The following DDX4 variants were observed in gnomAD, a reference collection of about 807,000 sequenced individuals.
The protein encoded by DDX4 is DEAD-box helicase 4, also known as probable ATP-dependent RNA helicase DDX4.
In DDX4, 25 loss-of-function variants were observed where a neutral mutation model predicts 100.0. That is an observed-to-expected ratio of 0.25 (90% confidence interval 0.18 to 0.35). DDX4 has a LOEUF of 0.35. DDX4 is among the 10% of genes least tolerant of loss of function. DDX4 has a pLI of 1.00. For synonymous variants in DDX4, 259 were observed against 275.7 expected, an observed-to-expected ratio of 0.94 and a Z score of 0.60; for missense variants, 635 against 882.4, an observed-to-expected ratio of 0.72 and a Z score of 3.55.
chr5:55,814,689 A>G (rs1490815897), intron 19 of DDX4, among the ~76,000 whole-genome samples: 1 of 152,134 alleles, frequency 6.6e-6, no homozygotes, highest in Non-Finnish European at 1.5e-5. Context: ...ATGGTGTTTC[A>G]TCATGTTGGC....
At chr5:55,756,581 C>T (rs985827638) in intron 3 of DDX4, among the ~76,000 whole-genome samples, 2 of 152,046 alleles carry the variant, frequency 1.3e-5, no homozygotes, top group East Asian at 1.9e-4. Flanking sequence ...AGTCTTAGAG[C>T]GCATACTGAA....
At chr5:55,786,002 T>G (rs915714735) in intron 13 of DDX4, 131 bp downstream of exon 13, 28 of 571,442 alleles carry the variant, frequency 4.9e-5, no homozygotes, top group Non-Finnish European at 8.2e-5. Flanking sequence ...GTTGGAAATT[T>G]AGAATGATGT....
At chr5:55,800,287 C>T (rs1312471805) in intron 18 of DDX4, among the ~76,000 whole-genome samples, 2 of 151,150 alleles carry the variant, frequency 1.3e-5, no homozygotes, top group African/African-American at 4.9e-5. Context: ...TATGGTTTTG[C>T]TGAAGTTAGA....
chr5:55,803,329 TTTA>T (rs776491872), intron 18 of DDX4, among the ~76,000 whole-genome samples: 7 of 150,664 alleles, frequency 4.6e-5, no homozygotes, highest in Non-Finnish European at 8.9e-5. Context: ...GTGCCACATT[TTTA>T]TTATTATTAT....
At chr5:55,772,620 G>A (rs1159436038) in intron 7 of DDX4, among the ~76,000 whole-genome samples, 1 of 152,130 alleles carries the variant, frequency 6.6e-6, no homozygotes, top group Non-Finnish European at 1.5e-5. Context: ...GGTCATGGGG[G>A]CGCAGATCTC....
At position 55,799,326 on chromosome 5, in the gene DDX4, G is replaced by A. The variant is rs1037894921; in HGVS notation, c.1615+755G>A. Among the ~76,000 whole-genome samples the A allele has an allele frequency of 2.0e-5, 3 of 152,126 alleles. No homozygotes were observed. In the South Asian group the frequency reaches 6.2e-4, roughly 32 times the overall value. On this transcript the variant is annotated intron_variant, in intron 18 of 21. Coordinates refer to ENST00000505374, the MANE Select transcript of DDX4 (RefSeq NM_024415.3). Reference sequence around the variant, plus strand: ...AATCCTCCCACCTTGTCCTTCCAAAGTGCTGAGGTTACAGCCATGAGCCAC... The same window carrying A: ...AATCCTCCCACCTTGTCCTTCCAAAATGCTGAGGTTACAGCCATGAGCCAC...
intron 18 of DDX4, among the ~76,000 whole-genome samples, chr5:55,808,860 T>A (rs944110014): frequency 6.6e-6 from 1 of 152,222 alleles, no homozygotes; most frequent in African/African-American, 2.4e-5. Flanking sequence ...CAGGGACATT[T>A]AAGTCTGCAG....
rs570634214 is a variant in DDX4, at chr5:55,816,077, C to T, written c.2098-386C>T. Reference sequence around the variant, plus strand: ...CTGAGATTACAGGCGTGAGCCACTGCGCCCAGCCACGAGGCTACAAGTCTT... The same window carrying T: ...CTGAGATTACAGGCGTGAGCCACTGTGCCCAGCCACGAGGCTACAAGTCTT... On this transcript the variant is annotated intron_variant, in intron 21 of 21. Coordinates refer to ENST00000505374, the MANE Select transcript of DDX4 (RefSeq NM_024415.3). 3.9e-5 allele frequency among the ~76,000 whole-genome samples: 6 copies of T among 152,038 alleles called. No individual in the cohort carries two copies. In the East Asian group the frequency reaches 7.8e-4, roughly 20 times the overall value.
At chr5:55,789,085 T>G (rs1742403256) in intron 15 of DDX4, among the ~76,000 whole-genome samples, 1 of 152,194 alleles carries the variant, frequency 6.6e-6, no homozygotes, top group Non-Finnish European at 1.5e-5. Flanking sequence ...AACAGTTTTC[T>G]GTTTTAAGTA....
intron 18 of DDX4, among the ~76,000 whole-genome samples, chr5:55,810,965 T>A (rs1423592315): frequency 6.6e-6 from 1 of 152,004 alleles, no homozygotes; most frequent in African/African-American, 2.4e-5. Context: ...AGCTCTTTCA[T>A]AAATAGGGAA....
intron 6 of DDX4, among the ~76,000 whole-genome samples, chr5:55,764,699 G>T (rs762094325): frequency 3.3e-5 from 5 of 152,136 alleles, no homozygotes; most frequent in African/African-American, 4.8e-5. Context: ...ACACTTTAGG[G>T]TGCCAAACTT....
intron 2 of DDX4, among the ~76,000 whole-genome samples, chr5:55,739,674 C>T (rs1758873431): frequency 6.6e-6 from 1 of 152,062 alleles, no homozygotes; most frequent in African/African-American, 2.4e-5. Flanking sequence ...TTTTGTTCCC[C>T]TTCAGAATTT....
At chr5:55,760,927 TA>T (rs1450499974) in intron 4 of DDX4, among the ~76,000 whole-genome samples, 1 of 152,184 alleles carries the variant, frequency 6.6e-6, no homozygotes, top group Non-Finnish European at 1.5e-5. Flanking sequence ...TTTTATCTTT[TA>T]GGGGATGCCA....
chr5:55,752,797 C>A (rs1580519983), intron 3 of DDX4, among the ~76,000 whole-genome samples: 1 of 144,176 alleles, frequency 6.9e-6, no homozygotes, highest in East Asian at 2.1e-4. Flanking sequence ...TACAGTCCCA[C>A]CAACAGTGTA....
intron 2 of DDX4, among the ~76,000 whole-genome samples, chr5:55,742,832 ATAAT>A (rs1309552094): frequency 6.6e-6 from 1 of 152,220 alleles, no homozygotes; most frequent in East Asian, 1.9e-4. Flanking sequence ...TGAGAACCAA[ATAAT>A]TATAGTGAAA....
At chr5:55,788,233 G>C (rs1031875199) in intron 15 of DDX4, among the ~76,000 whole-genome samples, 1 of 152,130 alleles carries the variant, frequency 6.6e-6, no homozygotes, top group African/African-American at 2.4e-5. Context: ...CCAGTGCTTT[G>C]TGAGGCCCAG....
chr5:55,761,865 C>T (rs999724988), intron 4 of DDX4, among the ~76,000 whole-genome samples: 1 of 152,180 alleles, frequency 6.6e-6, no homozygotes, highest in African/African-American at 2.4e-5. Flanking sequence ...CTGCCTCGGC[C>T]TCCCAGTGTG....
rs992597862 is a variant in DDX4, at chr5:55,764,158, C to T, written c.334+94C>T. 15 of 949,462 alleles carry T rather than the reference C, an allele frequency of 1.6e-5. No individual in the cohort carries two copies. In the South Asian group the frequency reaches 2.1e-4, roughly 13 times the overall value. The allele number at this position is 949,462 out of a possible 1,614,324, so 58.8% of individuals were successfully genotyped here. ...TTAAGTCTCTTAGTCCGGGCCAATT[C>T]TAACTTATTTAAACCAGATTTTATG... is the stretch of plus-strand genomic sequence containing the variant. On this transcript the variant is annotated intron_variant, in intron 6 of 21. Transcript: ENST00000505374.
intron 7 of DDX4, among the ~76,000 whole-genome samples, chr5:55,770,660 C>T (rs1211111578): frequency 1.3e-5 from 2 of 152,116 alleles, no homozygotes; most frequent in Non-Finnish European, 2.9e-5. Flanking sequence ...AGGTAGGTAG[C>T]TGGCTGAATT....
Sources: gnomAD v4.1 joint callset for allele counts (sites outside exome capture counted in the v4.1 genomes callset) on GRCh38, gnomAD v4.1.1 for gene constraint, MANE v1.5 for transcripts, NCBI Gene and HGNC (gene_info 2026-07-23, HGNC 2026-07-21) for gene names.